Variants in TGFA observed in about 807,000 individuals in gnomAD.
TGFA encodes the protein transforming growth factor alpha, also known as protransforming growth factor alpha.
In TGFA, 12 loss-of-function variants were observed where a neutral mutation model predicts 21.7. The observed-to-expected ratio is 0.55, with a 90% CI of 0.35 to 0.90. The LOEUF (loss-of-function observed/expected upper bound fraction) is 0.90. TGFA is among the 40% of genes least tolerant of loss of function. The pLI, the probability that TGFA is intolerant of heterozygous loss-of-function variation, is 0.01. For synonymous variants in TGFA, 79 were observed against 88.1 expected, an observed-to-expected ratio of 0.90 and a Z score of 0.58; for missense variants, 178 against 210.8, an observed-to-expected ratio of 0.84 and a Z score of 0.96.
intron 1 of TGFA, among the ~76,000 whole-genome samples, chr2:70,550,115 C>T (rs549179646): frequency 1.1e-4 from 16 of 152,362 alleles, no homozygotes; most frequent in South Asian, 6.2e-4. Context: ...TCTATTTCGC[C>T]TCTGCCCATC....
chr2:70,543,250 T>G (rs1673187534), intron 1 of TGFA, among the ~76,000 whole-genome samples: 1 of 152,088 alleles, frequency 6.6e-6, no homozygotes, highest in South Asian at 2.1e-4. Context: ...TTACTAGGCC[T>G]GGCATGGTGG....
At chr2:70,501,845 C>T (rs541868562) in intron 2 of TGFA, among the ~76,000 whole-genome samples, 6 of 152,354 alleles carry the variant, frequency 3.9e-5, no homozygotes, top group African/African-American at 1.4e-4. Flanking sequence ...CTGTGATCAT[C>T]ACCTCTCCCT....
At chr2:70,530,788 C>G (rs375734014) in intron 1 of TGFA, among the ~76,000 whole-genome samples, 1 of 152,362 alleles carries the variant, frequency 6.6e-6, no homozygotes, top group South Asian at 2.1e-4. Context: ...GCAACCCAAG[C>G]TCAGAGGTGA....
Position 70,450,568 on chromosome 2 carries a change from C to CACATGTG in TGFA, c.*290_*291insCACATGT. 4.6e-6 allele frequency: 2 copies of CACATGTG among 434,970 alleles called. No homozygotes were observed. Among genetic ancestry groups the CACATGTG allele is most frequent in the South Asian group, 7.1e-5 (2 of 28,354 alleles). 26.9% of individuals were successfully genotyped at this position (434,970 alleles called of 1,614,324 possible). A position where few individuals can be genotyped will look rare whatever the true frequency, so the allele number is the denominator to read the frequency against. On this transcript the variant is annotated 3_prime_UTR_variant, in exon 6 of 6. Transcript: ENST00000295400. ...GCACACATGTGGACTCAGACACCAA[C>CACATGTG]TGCTGCACACACCTCACCTAGGTGA...
At chr2:70,534,462 A>G (rs1672913546) in intron 1 of TGFA, among the ~76,000 whole-genome samples, 1 of 152,178 alleles carries the variant, frequency 6.6e-6, no homozygotes, top group African/African-American at 2.4e-5. Flanking sequence ...GTGCCCCATG[A>G]CTTCCAGGCG....
chr2:70,506,624 C>T (rs1553500170), intron 2 of TGFA, among the ~76,000 whole-genome samples: 1 of 152,216 alleles, frequency 6.6e-6, no homozygotes, highest in Non-Finnish European at 1.5e-5. Context: ...GCAGCAGCAG[C>T]AGCTAACACT....
intron 1 of TGFA, among the ~76,000 whole-genome samples, chr2:70,530,661 A>G (rs1672789521): frequency 6.6e-6 from 1 of 152,208 alleles, no homozygotes; most frequent in Non-Finnish European, 1.5e-5. Flanking sequence ...TTAAATACCC[A>G]GGAGAAATTA....
Position 70,476,107 on chromosome 2 carries a change from A to AAG in TGFA, c.95-10372_95-10371insCT, listed in dbSNP as rs1386534318. Among the ~76,000 whole-genome samples the AAG allele has an allele frequency of 6.4e-5, 9 of 140,580 alleles. 1 individual carries two copies. Among genetic ancestry groups the AAG allele is most frequent in the African/African-American group, 2.5e-4 (9 of 36,624 alleles). 92.2% of individuals were successfully genotyped at this position (140,580 alleles called of 152,430 possible). A position where few individuals can be genotyped will look rare whatever the true frequency, so the allele number is the denominator to read the frequency against. On this transcript the variant is annotated intron_variant, in intron 2 of 5. Transcript: ENST00000295400. Reference sequence around the variant, plus strand: ...AAAAAAAAAAAAAAAAAAAAAAAAAATTAAGAAAATTACAGGTCACGATTT... The same window carrying AAG: ...AAAAAAAAAAAAAAAAAAAAAAAAAAAGTTAAGAAAATTACAGGTCACGATTT...
At chr2:70,476,611 C>T (rs1670942286) in intron 2 of TGFA, among the ~76,000 whole-genome samples, 2 of 152,246 alleles carry the variant, frequency 1.3e-5, no homozygotes, top group African/African-American at 4.8e-5. Context: ...AAACCCTCTA[C>T]ACTGAGCACA....
At chr2:70,482,309 T>C (rs1188639066) in intron 2 of TGFA, among the ~76,000 whole-genome samples, 12 of 152,220 alleles carry the variant, frequency 7.9e-5, no homozygotes, top group Admixed American at 7.2e-4. Context: ...AGATGAGGAA[T>C]ACAGGTTTAG....
chr2:70,507,307 A>G (rs1211885825), intron 2 of TGFA, among the ~76,000 whole-genome samples: 1 of 152,280 alleles, frequency 6.6e-6, no homozygotes, highest in Non-Finnish European at 1.5e-5. Context: ...CACAATGCAA[A>G]TGAAATTCAC....
At chr2:70,501,836 T>C (rs1003027584) in intron 2 of TGFA, among the ~76,000 whole-genome samples, 1 of 152,270 alleles carries the variant, frequency 6.6e-6, no homozygotes, top group Non-Finnish European at 1.5e-5. Flanking sequence ...AGTCTCCATC[T>C]GTGATCATCA....
At chr2:70,450,939 A>G in intron 5 of TGFA, 73 bp from the exon 6 acceptor site, 2 of 1,545,280 alleles carry the variant, frequency 1.3e-6, no homozygotes, top group Non-Finnish European at 1.8e-6. Flanking sequence ...AGCTTAGGAA[A>G]GAGACTTGGA....
chr2:70,535,227 A>C (rs1049268890), intron 1 of TGFA, among the ~76,000 whole-genome samples: 6 of 152,124 alleles, frequency 3.9e-5, no homozygotes, highest in African/African-American at 1.4e-4. Flanking sequence ...CAAGGTGTCC[A>C]CTGTGTACCT....
intron 2 of TGFA, among the ~76,000 whole-genome samples, chr2:70,494,156 T>C (rs1671511825): frequency 6.6e-6 from 1 of 152,132 alleles, no homozygotes. Flanking sequence ...AAGCTCTGCT[T>C]CCCTCAACAC....
At chr2:70,537,020 T>C (rs1438173460) in intron 1 of TGFA, among the ~76,000 whole-genome samples, 1 of 151,464 alleles carries the variant, frequency 6.6e-6, no homozygotes, top group Admixed American at 6.6e-5. Flanking sequence ...TTTACAAATT[T>C]AAAGTTTGTG....
Position 70,472,782 on chromosome 2 carries a change from G to A in TGFA, c.95-7046C>T, listed in dbSNP as rs563725323. Among the ~76,000 whole-genome samples the A allele has an allele frequency of 3.9e-5, 6 of 152,372 alleles. No individual in the cohort carries two copies. In the East Asian group the frequency reaches 9.6e-4, roughly 24 times the overall value. On this transcript the variant is annotated intron_variant, in intron 2 of 5. Coordinates refer to ENST00000295400, the MANE Select transcript of TGFA (RefSeq NM_003236.4). ...TAACTCTCTTCCCCAGATGTCAAAA[G>A]TTGTGAACACGTTTGCCCATTGCAG...
intron 1 of TGFA, among the ~76,000 whole-genome samples, chr2:70,532,170 T>G (rs3771481): frequency 0.056 from 8,493 of 152,202 alleles, 547 homozygotes; most frequent in African/African-American, 0.15. Context: ...CCTCTGAAAA[T>G]AGCTCATCAG....
chr2:70,526,772 G>C (rs1011655328), intron 1 of TGFA, among the ~76,000 whole-genome samples: 1 of 152,198 alleles, frequency 6.6e-6, no homozygotes, highest in African/African-American at 2.4e-5. Flanking sequence ...GCAAAAAGGA[G>C]GGAGAGGGAA....
Sources: allele counts gnomAD v4.1 joint callset (sites outside exome capture counted in the v4.1 genomes callset), GRCh38; gene constraint gnomAD v4.1.1; transcripts MANE v1.5; gene names NCBI Gene and HGNC (gene_info 2026-07-23, HGNC 2026-07-21).